GPC6: variants seen among roughly 807,000 people sequenced by gnomAD.
GPC6 encodes the protein glypican-6.
In GPC6, 14 loss-of-function variants were observed where a neutral mutation model predicts 55.2. The ratio of observed to expected loss-of-function variants is 0.25; its 90% CI spans 0.17 to 0.40. The LOEUF is 0.40. GPC6 is among the 10% of genes least tolerant of loss of function. GPC6 has a pLI of 1.00. For missense variants in GPC6, 641 were observed against 708.5 expected (o/e 0.90, Z 1.08); for synonymous variants, 278 against 259.6 (o/e 1.07, Z -0.68).
At chr13:93,552,265 C>T (rs1249654000) in intron 2 of GPC6, among the ~76,000 whole-genome samples, 2 of 152,158 alleles carry the variant, frequency 1.3e-5, no homozygotes, top group African/African-American at 4.8e-5. Flanking sequence ...AAATAAAAAT[C>T]GTCCAATTAG....
At chr13:93,236,833 A>G (rs11840691) in intron 1 of GPC6, among the ~76,000 whole-genome samples, 39,154 of 152,044 alleles carry the variant, frequency 0.26, 5,144 homozygotes, top group African/African-American at 0.32. Flanking sequence ...TTGGTTTTCT[A>G]TTCCTGAGTC....
intron 2 of GPC6, among the ~76,000 whole-genome samples, chr13:93,577,831 G>A (rs966938803): frequency 5.9e-5 from 9 of 152,004 alleles, no homozygotes; most frequent in African/African-American, 1.7e-4. Flanking sequence ...TGTTCAGTAC[G>A]ATGTTGGCTG....
At chr13:93,506,422 C>T (rs1880715673) in intron 1 of GPC6, among the ~76,000 whole-genome samples, 1 of 152,108 alleles carries the variant, frequency 6.6e-6, no homozygotes, top group Non-Finnish European at 1.5e-5. Flanking sequence ...TAGGATATTA[C>T]TCAAATGATC....
At chr13:94,033,989 G>A (rs1053855442) in intron 4 of GPC6, among the ~76,000 whole-genome samples, 4 of 152,176 alleles carry the variant, frequency 2.6e-5, no homozygotes, top group African/African-American at 7.2e-5. Context: ...TTGAGCATTC[G>A]TGAAAGCACC....
chr13:93,776,326 A>G (rs982658939), intron 2 of GPC6, among the ~76,000 whole-genome samples: 1 of 152,290 alleles, frequency 6.6e-6, no homozygotes, highest in East Asian at 1.9e-4. Context: ...CAGCTCTGAA[A>G]TAGACACTAA....
chr13:93,847,639 G>A (rs1888234196), intron 3 of GPC6, among the ~76,000 whole-genome samples: 2 of 152,104 alleles, frequency 1.3e-5, no homozygotes, highest in South Asian at 4.1e-4. Flanking sequence ...TAACCAAATT[G>A]ACATTCATTG....
intron 2 of GPC6, among the ~76,000 whole-genome samples, chr13:93,639,876 A>G (rs760385247): frequency 1.3e-5 from 2 of 152,162 alleles, no homozygotes; most frequent in Non-Finnish European, 2.9e-5. Context: ...CTGTAATTAT[A>G]AAGGTAGACA....
chr13:93,730,579 G>A (rs1362921524), intron 2 of GPC6, among the ~76,000 whole-genome samples: 1 of 152,146 alleles, frequency 6.6e-6, no homozygotes, highest in Non-Finnish European at 1.5e-5. Context: ...GGCCTAGACT[G>A]CATGAGATCA....
At chr13:93,845,697 A>G (rs867689641) in intron 3 of GPC6, among the ~76,000 whole-genome samples, 1 of 148,522 alleles carries the variant, frequency 6.7e-6, no homozygotes, top group East Asian at 2.0e-4. Flanking sequence ...CATGGATGAA[A>G]TTGGAAATCA....
intron 1 of GPC6, among the ~76,000 whole-genome samples, chr13:93,255,857 G>A (rs1876933906): frequency 6.6e-6 from 1 of 151,886 alleles, no homozygotes; most frequent in Non-Finnish European, 1.5e-5. Context: ...ACATAAGCTG[G>A]GCCCTGTGGC....
At chr13:93,403,348 TA>T (rs1281962902) in intron 1 of GPC6, among the ~76,000 whole-genome samples, 1 of 152,194 alleles carries the variant, frequency 6.6e-6, no homozygotes, top group African/African-American at 2.4e-5. Context: ...GCTCTTCTTT[TA>T]GTAAAAGTTC....
chr13:93,505,843 G>A (rs983389152), intron 1 of GPC6, among the ~76,000 whole-genome samples: 1 of 152,146 alleles, frequency 6.6e-6, no homozygotes, highest in African/African-American at 2.4e-5. Context: ...CTATGAAAGT[G>A]CTGTATTACT....
chr13:93,518,483 G>C (rs1881291294), intron 1 of GPC6, among the ~76,000 whole-genome samples: 1 of 151,830 alleles, frequency 6.6e-6, no homozygotes, highest in Non-Finnish European at 1.5e-5. Flanking sequence ...TTCACTTCTT[G>C]AAAACAGAGC....
intron 2 of GPC6, among the ~76,000 whole-genome samples, chr13:93,698,924 G>A (rs1384595538): frequency 1.3e-5 from 2 of 151,838 alleles, no homozygotes; most frequent in South Asian, 4.1e-4. Flanking sequence ...AATTTGAGGT[G>A]GGTGGCTTCT....
intron 4 of GPC6, among the ~76,000 whole-genome samples, chr13:94,189,013 ATTG>A (rs1889296407): frequency 6.6e-6 from 1 of 151,850 alleles, no homozygotes; most frequent in Non-Finnish European, 1.5e-5. Context: ...TCCTTTCCCC[ATTG>A]TTGTTATAGG....
intron 1 of GPC6, among the ~76,000 whole-genome samples, chr13:93,317,488 T>C (rs1879285142): frequency 6.6e-6 from 1 of 152,144 alleles, no homozygotes; most frequent in South Asian, 2.1e-4. Context: ...TTGTGATTAA[T>C]GTCATTCACA....
intron 2 of GPC6, among the ~76,000 whole-genome samples, chr13:93,647,668 G>T (rs1238866755): frequency 2.0e-5 from 3 of 152,146 alleles, no homozygotes; most frequent in African/African-American, 7.2e-5. Context: ...TTCAATCCGT[G>T]ATTCTTCCAT....
At chr13:93,310,807 G>A (rs185838822) in intron 1 of GPC6, among the ~76,000 whole-genome samples, 1 of 152,230 alleles carries the variant, frequency 6.6e-6, no homozygotes, top group Non-Finnish European at 1.5e-5. Flanking sequence ...GGCTACACTC[G>A]TTTTGGTATT....
At chr13:94,058,989 G>T (rs559001653) in intron 4 of GPC6, among the ~76,000 whole-genome samples, 130 of 152,136 alleles carry the variant, frequency 8.5e-4, no homozygotes, top group Middle Eastern at 3.4e-3. Flanking sequence ...AAGCACAAGG[G>T]TTAGCTAGCA....
Sources: allele counts gnomAD v4.1 joint callset (sites outside exome capture counted in the v4.1 genomes callset), GRCh38; gene constraint gnomAD v4.1.1; transcripts MANE v1.5; gene names NCBI Gene and HGNC (gene_info 2026-07-23, HGNC 2026-07-21).